The following CDKL5 variants were observed in gnomAD, a reference collection of about 807,000 sequenced individuals.
The protein encoded by CDKL5 is cyclin dependent kinase like 5.
In CDKL5, 8 loss-of-function variants were observed where a neutral mutation model predicts 61.7. The observed-to-expected ratio is 0.13, with a 90% confidence interval of 0.08 to 0.23. The LOEUF (loss-of-function observed/expected upper bound fraction) is 0.23. Among genes scored for constraint, CDKL5 ranks in the 10% least tolerant of loss-of-function variants. The probability of loss-of-function intolerance (pLI) is 1.00; values close to 1 mark genes in which losing one functional copy is unlikely to be tolerated. For missense variants in CDKL5, 440 were observed against 734.5 expected (o/e 0.60, Z 4.63); for synonymous variants, 275 against 272.3 (o/e 1.01, Z -0.10).
At chrX:18,588,214 GGAATGCTAA>G in intron 9 of CDKL5, 71 bp downstream of exon 9, 2 of 790,414 alleles carry the variant, frequency 2.5e-6, no homozygotes, top group Non-Finnish European at 3.9e-6. Context: ...ATTGCACAAT[GGAATGCTAA>G]ACTATCCTTT....
At chrX:18,564,040 T>A (rs764830227) in intron 3 of CDKL5, among the ~76,000 whole-genome samples, 2 of 111,732 alleles carry the variant, frequency 1.8e-5, no homozygotes, top group Non-Finnish European at 3.8e-5. Flanking sequence ...AAATTAGATA[T>A]GCTTGTTAGC....
At chrX:18,509,192 AACACGC>A (rs202161625) in intron 2 of CDKL5, among the ~76,000 whole-genome samples, 1 of 45,002 alleles carries the variant, frequency 2.2e-5, no homozygotes, top group Non-Finnish European at 4.0e-5. Flanking sequence ...ACTGTCTCAA[AACACGC>A]ACACACACAC....
chrX:18,442,476 T>C (rs1199915405), intron 1 of CDKL5: 5 of 104,055 alleles, frequency 4.8e-5, no homozygotes. Flanking sequence ...TTTTTTGTTT[T>C]GTTTTGTTTT....
chrX:18,460,327 A>G (rs1001268999), intron 1 of CDKL5, among the ~76,000 whole-genome samples: 1 of 110,711 alleles, frequency 9.0e-6, no homozygotes, highest in East Asian at 2.9e-4. Context: ...AGAACTCAGT[A>G]TCACGAGAAC....
chrX:18,581,179 G>A (rs774176966), intron 6 of CDKL5, among the ~76,000 whole-genome samples: 1 of 111,649 alleles, frequency 9.0e-6, no homozygotes, highest in African/African-American at 3.2e-5. Flanking sequence ...TTCTCCATTT[G>A]CATCTCTACC....
intron 3 of CDKL5, among the ~76,000 whole-genome samples, chrX:18,511,545 G>A: frequency 9.0e-6 from 1 of 111,394 alleles, no homozygotes. Context: ...ATTGACTATG[G>A]TACTCAGTAA....
Position 18,588,020 on chromosome X carries a change from A to T in CDKL5, c.621A>T (p.Gly207=), listed in dbSNP as rs1424941855. 2 of 1,208,756 alleles carry T rather than the reference A, an allele frequency of 1.7e-6. No individual in the cohort carries two copies. Among genetic ancestry groups the T allele is most frequent in the Admixed American group, 2.2e-5 (1 of 45,686 alleles). The change falls in exon 9 of 18, where the codon GGA becomes GGT. Residue 207 remains glycine, a synonymous_variant. Transcript: ENST00000623535. ...VGCILGELSD[G]QPLFPGESEI... ...GTATTCTTGGGGAGCTTAGCGATGG[A>T]CAGCCTTTATTTCCTGGAGAAAGTG...
chrX:18,456,487 A>G (rs1932146292), intron 1 of CDKL5, among the ~76,000 whole-genome samples: 1 of 112,370 alleles, frequency 8.9e-6, no homozygotes. Flanking sequence ...TATATTCCAT[A>G]TGTCAAAGAT....
At chrX:18,644,318 A>G (rs972618041), downstream of CDKL5, 3 of 667,709 alleles carry the variant, frequency 4.5e-6, no homozygotes, top group African/African-American at 4.3e-5. Context: ...CAGATGATCC[A>G]CTGTGCTGTG....
intron 3 of CDKL5, among the ~76,000 whole-genome samples, chrX:18,511,457 T>C (rs866038457): frequency 8.1e-5 from 9 of 110,970 alleles, no homozygotes; most frequent in South Asian, 7.7e-4. Context: ...ACAGCATGTA[T>C]GATGGTGGTC....
At chrX:18,555,625 A>G (rs749081775) in intron 3 of CDKL5, among the ~76,000 whole-genome samples, 2 of 112,382 alleles carry the variant, frequency 1.8e-5, no homozygotes, top group Non-Finnish European at 3.8e-5. Flanking sequence ...GTATATTTGC[A>G]TGATCTTTTT....
rs936581400 is a variant in CDKL5 at position 18,635,931 on chromosome X, A to G, written c.*7174A>G. On this transcript the variant is annotated 3_prime_UTR_variant, in exon 18 of 18. Transcript: ENST00000623535. ...GCAGAGGCTGCATGGATAATATGTAAATCAGTAAGTGTGGCTGTGGTCCCG... is the reference window on the plus strand; with the variant it reads ...GCAGAGGCTGCATGGATAATATGTAGATCAGTAAGTGTGGCTGTGGTCCCG... 8.9e-6 allele frequency: 1 copy of G among 111,874 alleles called. No homozygotes were observed. The highest frequency in any genetic ancestry group is 9.5e-5 in the Admixed American group (1 of 10,498). The allele number at this position is 111,874 out of a possible 1,213,427, so 9.2% of individuals were successfully genotyped here.
rs185967600 is a variant in CDKL5 at position 18,465,594 on chromosome X, G to A, written c.-163+39899G>A. On this transcript the variant is annotated intron_variant, in intron 1 of 17. Coordinates refer to ENST00000623535, the MANE Select transcript of CDKL5 (RefSeq NM_001323289.2). ...TGAGGCAGGAGAATCCCTTGAATCC[G>A]GGAAGGGGAGGTTGCAGTCAGCCGA... Among the ~76,000 whole-genome samples the A allele has an allele frequency of 6.6e-3, 731 of 111,332 alleles. 8 individuals carry two copies. The highest frequency in any genetic ancestry group is 0.022 in the African/African-American group (682 of 30,613).
chrX:18,454,491 T>G (rs946058573), intron 1 of CDKL5, among the ~76,000 whole-genome samples: 1 of 109,604 alleles, frequency 9.1e-6, no homozygotes, highest in African/African-American at 3.3e-5. Flanking sequence ...TGCCTCGGCC[T>G]CCCAAAGTGC....
rs749096587 is a variant in CDKL5 at position 18,628,946 on chromosome X, T to G, written c.*189T>G. Reference sequence around the variant, plus strand: ...CGGCCACAAATGCTAGTCAGGGATCTTAGAGCCACAGGAGTTCCTTAGGGA... The same window carrying G: ...CGGCCACAAATGCTAGTCAGGGATCGTAGAGCCACAGGAGTTCCTTAGGGA... On this transcript the variant is annotated 3_prime_UTR_variant, in exon 18 of 18. Transcript: ENST00000623535. 1.1e-5 allele frequency: 11 copies of G among 1,045,476 alleles called. No individual in the cohort carries two copies. The highest frequency in any genetic ancestry group is 1.2e-5 in the Non-Finnish European group (10 of 819,720). The allele number at this position is 1,045,476 out of a possible 1,213,427, so 86.2% of individuals were successfully genotyped here. A position where few individuals can be genotyped will look rare whatever the true frequency, so the allele number is the denominator to read the frequency against.
intron 3 of CDKL5, among the ~76,000 whole-genome samples, chrX:18,559,367 C>G (rs908250953): frequency 1.8e-5 from 2 of 110,812 alleles, no homozygotes; most frequent in African/African-American, 6.6e-5. Context: ...CGCCACCATG[C>G]CGGGCTAATT....
intron 20 of CDKL5, among the ~76,000 whole-genome samples, chrX:18,646,646 G>A (rs1228628627): frequency 9.0e-6 from 1 of 111,314 alleles, no homozygotes; most frequent in African/African-American, 3.3e-5. Context: ...ACCTCCGCTT[G>A]CCTCTCCACC....
intron 10 of CDKL5, among the ~76,000 whole-genome samples, chrX:18,597,817 A>C (rs915987758): frequency 9.1e-6 from 1 of 110,119 alleles, no homozygotes; most frequent in Non-Finnish European, 1.9e-5. Context: ...GCTGGTCTCG[A>C]ACTCCTGACG....
intron 1 of CDKL5, among the ~76,000 whole-genome samples, chrX:18,439,905 T>TA (rs147424746): frequency 0.035 from 3,558 of 100,293 alleles, 118 homozygotes; most frequent in East Asian, 0.18. Flanking sequence ...ACATTATGTC[T>TA]AAAAAAAAAA....
Sources: gnomAD v4.1 joint callset for allele counts (sites outside exome capture counted in the v4.1 genomes callset) on GRCh38, gnomAD v4.1.1 for gene constraint, MANE v1.5 for transcripts, NCBI Gene and HGNC (gene_info 2026-07-23, HGNC 2026-07-21) for gene names.